SLC38A12: variants seen among roughly 807,000 people sequenced by gnomAD.
The protein encoded by SLC38A12 is solute carrier family 38 member 12.
At chr17:74,795,247 T>C in the SLC38A12 span, 1 of 757,852 alleles carries the variant, frequency 1.3e-6, no homozygotes, top group Non-Finnish European at 2.2e-6. Context: ...CCAGGCCCTT[T>C]TCTGCACAGA....
At chr17:74,835,783 A>T in the SLC38A12 span, 1 of 1,453,526 alleles carries the variant, frequency 6.9e-7, no homozygotes, top group Non-Finnish European at 9.1e-7. Flanking sequence ...CTGTTGAGCC[A>T]CCCAAGAACA....
chr17:74,834,387 T>A, the SLC38A12 span, among the ~76,000 whole-genome samples: 1 of 151,862 alleles, frequency 6.6e-6, no homozygotes, highest in Non-Finnish European at 1.5e-5. Flanking sequence ...ACAAATCATC[T>A]TCTTTACCGG....
chr17:74,780,675 C>G, the SLC38A12 span, among the ~76,000 whole-genome samples: 2 of 152,156 alleles, frequency 1.3e-5, no homozygotes, highest in African/African-American at 4.8e-5. Context: ...TCACTGATTA[C>G]CTTTACAGAA....
At chr17:74,822,613 C>T in the SLC38A12 span, among the ~76,000 whole-genome samples, 6 of 152,218 alleles carry the variant, frequency 3.9e-5, no homozygotes, top group Non-Finnish European at 5.9e-5. Context: ...CTGCTGGGGG[C>T]GACAGCAAAG....
At chr17:74,810,493 A>T in the SLC38A12 span, among the ~76,000 whole-genome samples, 1 of 152,202 alleles carries the variant, frequency 6.6e-6, no homozygotes, top group Non-Finnish European at 1.5e-5. Context: ...AGGGACGTGC[A>T]CTGAGGGAGG....
chr17:74,824,407 C>T, the SLC38A12 span, among the ~76,000 whole-genome samples: 3 of 152,190 alleles, frequency 2.0e-5, no homozygotes, highest in African/African-American at 7.2e-5. Context: ...GCAGGGACTT[C>T]AGATCCCAAA....
At chr17:74,797,415 G>A in the SLC38A12 span, among the ~76,000 whole-genome samples, 1 of 152,216 alleles carries the variant, frequency 6.6e-6, no homozygotes, top group African/African-American at 2.4e-5. Flanking sequence ...GGAAGCAGAG[G>A]CTGCAGAACA....
chr17:74,838,873 T>G, the SLC38A12 span: 1 of 1,533,596 alleles, frequency 6.5e-7, no homozygotes, highest in Admixed American at 2.0e-5. Flanking sequence ...CAGCTTGTGG[T>G]TTCCATTTTG....
chr17:74,794,132 A>G, the SLC38A12 span, among the ~76,000 whole-genome samples: 3 of 152,230 alleles, frequency 2.0e-5, no homozygotes, highest in Non-Finnish European at 4.4e-5. Flanking sequence ...CACTCTTTTC[A>G]GAGCCCTTGC....
At chr17:74,797,468 G>A in the SLC38A12 span, among the ~76,000 whole-genome samples, 1 of 152,174 alleles carries the variant, frequency 6.6e-6, no homozygotes, top group African/African-American at 2.4e-5. Flanking sequence ...TTTCTTTCTG[G>A]GCCAGTGACA....
chr17:74,793,538 A>C, the SLC38A12 span, among the ~76,000 whole-genome samples: 9 of 152,218 alleles, frequency 5.9e-5, no homozygotes, highest in Non-Finnish European at 1.2e-4. Flanking sequence ...CTTCTCAGGA[A>C]GTTCATTGAT....
At chr17:74,794,199 C>T in the SLC38A12 span, among the ~76,000 whole-genome samples, 6 of 152,252 alleles carry the variant, frequency 3.9e-5, no homozygotes, top group East Asian at 1.2e-3. Context: ...GAATTCTTCT[C>T]ACCCTTACGG....
chr17:74,818,922 T>A, the SLC38A12 span, among the ~76,000 whole-genome samples: 3 of 152,322 alleles, frequency 2.0e-5, no homozygotes, highest in African/African-American at 7.2e-5. Flanking sequence ...TTTACCCCCA[T>A]TTTCCTTTGC....
At chr17:74,777,767 A>G in the SLC38A12 span, 2 of 465,640 alleles carry the variant, frequency 4.3e-6, no homozygotes, top group African/African-American at 2.0e-5. Context: ...TAAAAATACA[A>G]AATTAGCCGG....
chr17:74,789,964 T>TTTTTTTTTG, the SLC38A12 span, among the ~76,000 whole-genome samples: 1 of 142,064 alleles, frequency 7.0e-6, no homozygotes. Context: ...TGTTTTTTTG[T>TTTTTTTTTG]TTTTTTGAGA....
chr17:74,806,211 C>A, the SLC38A12 span, among the ~76,000 whole-genome samples: 4 of 152,164 alleles, frequency 2.6e-5, no homozygotes, highest in African/African-American at 9.7e-5. Flanking sequence ...GTTCTTAGGA[C>A]CTGTGAGGAT....
At chr17:74,790,317 G>A in the SLC38A12 span, 27 of 1,606,790 alleles carry the variant, frequency 1.7e-5, no homozygotes, top group Admixed American at 3.3e-5. Flanking sequence ...GGGTTCTCGC[G>A]GGCCCGCACT....
the SLC38A12 span, among the ~76,000 whole-genome samples, chr17:74,782,025 G>C: frequency 2.0e-5 from 3 of 152,194 alleles, no homozygotes; most frequent in Non-Finnish European, 4.4e-5. Context: ...TGTTTCCAAT[G>C]CTTTCCCATT....
At chr17:74,827,911 A>AT in the SLC38A12 span, among the ~76,000 whole-genome samples, 45,114 of 151,926 alleles carry the variant, frequency 0.3, 6,953 homozygotes, top group East Asian at 0.44. This position sits in a 1 kb window ranked among gnomAD's most constrained non-coding sequence, Gnocchi z 4.7. Context: ...ACCCCTTCCG[A>AT]GGCCCAGCTA....
Sources: allele counts gnomAD v4.1 joint callset (sites outside exome capture counted in the v4.1 genomes callset), GRCh38; gene constraint gnomAD v4.1.1; non-coding constraint Gnocchi (gnomAD v3.1); transcripts MANE v1.5; gene names NCBI Gene and HGNC (gene_info 2026-07-23, HGNC 2026-07-21).